The following ANKRD11 variants were observed in gnomAD, a reference collection of about 807,000 sequenced individuals.
ANKRD11 encodes the protein ankyrin repeat domain-containing protein 11.
Under a neutral mutation model 195.7 loss-of-function variants are expected in ANKRD11, and 17 were observed. The observed-to-expected ratio is 0.09, with a 90% confidence interval of 0.06 to 0.13. ANKRD11 has a LOEUF of 0.13. ANKRD11 is among the 10% of genes least tolerant of loss of function. The pLI is 1.00. For missense variants in ANKRD11, 3,735 were observed against 3,566.1 expected (o/e 1.05, Z -1.21); for synonymous variants, 1,953 against 1,528.1 (o/e 1.28, Z -6.49).
At chr16:89,428,483 G>A (rs191403741) in intron 1 of ANKRD11, among the ~76,000 whole-genome samples, 8 of 152,012 alleles carry the variant, frequency 5.3e-5, no homozygotes, top group Non-Finnish European at 5.9e-5. Flanking sequence ...CCGAGACTGC[G>A]CCCTACACTC....
chr16:89,307,597 C>T (rs1454241089), intron 3 of ANKRD11, among the ~76,000 whole-genome samples: 2 of 152,070 alleles, frequency 1.3e-5, no homozygotes, highest in Non-Finnish European at 2.9e-5. Flanking sequence ...CCCGGGCCTC[C>T]GGAGGGTTAA....
rs1030305913 is a variant in ANKRD11 at position 89,461,187 on chromosome 16, C to T, written c.-145+29058G>A. On this transcript the variant is annotated intron_variant, in intron 1 of 12. Coordinates refer to ENST00000301030, the MANE Select transcript of ANKRD11 (RefSeq NM_013275.6). ...AAGGACAAATATCGTATGACCCCCC[C>T]CCCCCCCTTATAGGAGAGGTGCCTT... Among the ~76,000 whole-genome samples, 14 of 135,652 alleles carry T rather than the reference C, an allele frequency of 1.0e-4. 1 individual carries two copies. The highest frequency in any genetic ancestry group is 4.0e-4 in the African/African-American group (14 of 35,390). 89.0% of individuals were successfully genotyped at this position (135,652 alleles called of 152,430 possible).
At chr16:89,388,770 C>G (rs2041044016) in intron 2 of ANKRD11, among the ~76,000 whole-genome samples, 1 of 152,176 alleles carries the variant, frequency 6.6e-6, no homozygotes, top group South Asian at 2.1e-4. Flanking sequence ...ACTGCCCAGC[C>G]AGATCCCTGT....
rs1327332625 is a variant in ANKRD11, at chr16:89,291,895, G to T, written c.227-712C>A. ...CATCTGACCCGTTACAGAACACTCGGCTGGCGTCTAACGCAACTCACGTGC... is the reference window on the plus strand; with the variant it reads ...CATCTGACCCGTTACAGAACACTCGTCTGGCGTCTAACGCAACTCACGTGC... On this transcript the variant is annotated intron_variant, in intron 4 of 12. Coordinates refer to ENST00000301030, the MANE Select transcript of ANKRD11 (RefSeq NM_013275.6). This position sits in a 1 kb window ranked among gnomAD's most constrained non-coding sequence, Gnocchi z 5.3. 9 of 648,582 alleles carry T rather than the reference G, an allele frequency of 1.4e-5. No homozygotes were observed. The highest frequency in any genetic ancestry group is 2.2e-5 in the Non-Finnish European group (9 of 408,938). The allele number at this position is 648,582 out of a possible 1,614,324, so 40.2% of individuals were successfully genotyped here. A position where few individuals can be genotyped will look rare whatever the true frequency, so the allele number is the denominator to read the frequency against.
chr16:89,280,110 C>T lies in ANKRD11; in HGVS notation c.6432G>A (p.Gln2144=), dbSNP rs2034058909. The change falls in exon 9 of 13, where the codon CAG becomes CAA. Residue 2144 remains glutamine, a synonymous_variant. Transcript: ENST00000301030. ...GPFSLPELPL[Q]TKDAADGEAE... ...CTTCACCATCTGCGGCATCTTTAGT[C>T]TGCAGGGGAAGCTCCGGCAGGGAGA... 1 of 1,612,958 alleles carries T rather than the reference C, an allele frequency of 6.2e-7. No individual in the cohort carries two copies. Among genetic ancestry groups the T allele is most frequent in the Non-Finnish European group, 8.5e-7 (1 of 1,179,836 alleles).
chr16:89,405,124 G>A (rs562967172), intron 2 of ANKRD11, among the ~76,000 whole-genome samples: 2 of 152,218 alleles, frequency 1.3e-5, no homozygotes, highest in African/African-American at 4.8e-5. Context: ...TCACGGTGGA[G>A]GCGAGGTTGC....
chr16:89,463,096 A>AG (rs2056755156), intron 1 of ANKRD11, among the ~76,000 whole-genome samples: 1 of 147,602 alleles, frequency 6.8e-6, no homozygotes, highest in South Asian at 2.2e-4. Flanking sequence ...CCGGGAGGTG[A>AG]GGGGCGCCTC....
chr16:89,301,580 G>A, intron 4 of ANKRD11: 2 of 398,824 alleles, frequency 5.0e-6, no homozygotes, highest in Non-Finnish European at 8.8e-6. Flanking sequence ...CCCACTCCTT[G>A]CTGCACCCAC....
intron 2 of ANKRD11, among the ~76,000 whole-genome samples, chr16:89,416,509 G>C (rs1460563643): frequency 6.6e-6 from 1 of 152,172 alleles, no homozygotes; most frequent in Non-Finnish European, 1.5e-5. Context: ...ATGTTGGCAG[G>C]CTGGTCTGGA....
intron 2 of ANKRD11, among the ~76,000 whole-genome samples, chr16:89,403,045 G>A (rs1283767592): frequency 3.9e-5 from 6 of 152,140 alleles, no homozygotes; most frequent in Admixed American, 6.6e-5. Flanking sequence ...GCACTGCCTC[G>A]CTCAACTGCG....
intron 2 of ANKRD11, among the ~76,000 whole-genome samples, chr16:89,357,456 T>C (rs148434507): frequency 6.6e-6 from 1 of 151,492 alleles, no homozygotes; most frequent in Non-Finnish European, 1.5e-5. Flanking sequence ...AAAAAAACAG[T>C]GTGACGATTC....
At chr16:89,486,907 G>T (rs189218723) in intron 1 of ANKRD11, among the ~76,000 whole-genome samples, 2 of 151,764 alleles carry the variant, frequency 1.3e-5, no homozygotes, top group Non-Finnish European at 2.9e-5. Context: ...TACTTGGGAG[G>T]CTGAGGCAGG....
intron 2 of ANKRD11, among the ~76,000 whole-genome samples, chr16:89,318,416 A>G (rs575476757): frequency 7.2e-5 from 11 of 152,370 alleles, no homozygotes; most frequent in Admixed American, 1.3e-4. Flanking sequence ...TACAAATGGA[A>G]CTGTGTGCAC....
intron 2 of ANKRD11, chr16:89,323,920 G>A (rs1597641287): frequency 9.2e-6 from 2 of 217,178 alleles, no homozygotes; most frequent in East Asian, 3.0e-4. Flanking sequence ...CACATCGCGA[G>A]GTAGAATCTC....
chr16:89,452,752 C>A lies in ANKRD11; in HGVS notation c.-144-34384G>T, dbSNP rs1048070893. 7.7e-5 allele frequency among the ~76,000 whole-genome samples: 11 copies of A among 143,110 alleles called. No homozygotes were observed. In the South Asian group the frequency reaches 2.2e-3, roughly 29 times the overall value. The allele number at this position is 143,110 out of a possible 152,430, so 93.9% of individuals were successfully genotyped here. ...CAGAGATCATGCCATTGCACTCCAGCCTAGGCAACAGAGAGAGACTCTATC... is the reference window on the plus strand; with the variant it reads ...CAGAGATCATGCCATTGCACTCCAGACTAGGCAACAGAGAGAGACTCTATC... On this transcript the variant is annotated intron_variant, in intron 1 of 12. Transcript: ENST00000301030.
intron 12 of ANKRD11, among the ~76,000 whole-genome samples, chr16:89,268,995 C>T (rs969395888): frequency 6.6e-6 from 1 of 152,256 alleles, no homozygotes; most frequent in African/African-American, 2.4e-5. Context: ...AACAGCTTTG[C>T]TTTTGTCATT....
chr16:89,312,448 C>T (rs773785161), intron 3 of ANKRD11, among the ~76,000 whole-genome samples: 2 of 152,150 alleles, frequency 1.3e-5, no homozygotes, highest in Non-Finnish European at 2.9e-5. Flanking sequence ...TGGGGGAAGC[C>T]CAACTGTCAG....
intron 2 of ANKRD11, among the ~76,000 whole-genome samples, chr16:89,402,723 G>C (rs1288200117): frequency 6.8e-6 from 1 of 147,704 alleles, no homozygotes; most frequent in African/African-American, 2.5e-5. Flanking sequence ...AGAGGGGGCA[G>C]GGGCTCTGTG....
chr16:89,288,249 T>C, intron 7 of ANKRD11: 2 of 628,756 alleles, frequency 3.2e-6, no homozygotes, highest in East Asian at 5.5e-5. Flanking sequence ...GGTGTAATCC[T>C]TCACCTGCTC....
Sources: gnomAD v4.1 joint callset for allele counts (sites outside exome capture counted in the v4.1 genomes callset) on GRCh38, gnomAD v4.1.1 for gene constraint, Gnocchi (gnomAD v3.1) non-coding constraint, MANE v1.5 for transcripts, NCBI Gene and HGNC (gene_info 2026-07-23, HGNC 2026-07-21) for gene names.